FAM107B: variants seen among roughly 807,000 people sequenced by gnomAD.
FAM107B encodes the protein family with sequence similarity 107 member B.
FAM107B carries 21 observed loss-of-function variants against 31.5 expected under a neutral mutation model. That is an observed-to-expected ratio of 0.67 (90% confidence interval 0.47 to 0.96). The LOEUF is 0.96. FAM107B is among the 40% of genes least tolerant of loss of function. The probability of loss-of-function intolerance (pLI) is 0.00; values close to 1 mark genes in which losing one functional copy is unlikely to be tolerated. For synonymous variants in FAM107B, 157 were observed against 141.5 expected (o/e 1.11, Z -0.78); for missense variants, 452 against 377.1 (o/e 1.20, Z -1.64).
chr10:14,562,971 C>T (rs565480962), intron 2 of FAM107B, among the ~76,000 whole-genome samples: 20 of 152,338 alleles, frequency 1.3e-4, no homozygotes, highest in Non-Finnish European at 1.6e-4. Context: ...TATGTCTCTG[C>T]TACATGTGAA....
chr10:14,652,033 T>A (rs1028429096), intron 2 of FAM107B, among the ~76,000 whole-genome samples: 3 of 152,182 alleles, frequency 2.0e-5, no homozygotes, highest in Non-Finnish European at 2.9e-5. Flanking sequence ...ACAGAAGTTG[T>A]ACAGTCGGAG....
intron 2 of FAM107B, among the ~76,000 whole-genome samples, chr10:14,630,784 G>T (rs1320134573): frequency 6.6e-6 from 1 of 152,136 alleles, no homozygotes; most frequent in Non-Finnish European, 1.5e-5. Context: ...CCAGGAGGTT[G>T]AGGCTGAGGT....
intron 2 of FAM107B, among the ~76,000 whole-genome samples, chr10:14,543,211 A>G (rs1341520119): frequency 6.6e-6 from 1 of 152,218 alleles, no homozygotes; most frequent in Admixed American, 6.5e-5. Flanking sequence ...TAAAAGGCAC[A>G]GTTTGGTGTT....
At chr10:14,723,488 A>T in intron 1 of FAM107B, 1 of 583,718 alleles carries the variant, frequency 1.7e-6, no homozygotes, top group Non-Finnish European at 3.2e-6. Context: ...TGTTTACAGG[A>T]AATGGTACCA....
At chr10:14,629,019 T>C (rs2131413890) in intron 2 of FAM107B, among the ~76,000 whole-genome samples, 1 of 151,170 alleles carries the variant, frequency 6.6e-6, no homozygotes, top group South Asian at 2.1e-4. Context: ...GTTATATATA[T>C]ATTAGCTTTA....
chr10:14,578,605 GA>G (rs1851536652), intron 2 of FAM107B, among the ~76,000 whole-genome samples: 1 of 152,120 alleles, frequency 6.6e-6, no homozygotes, highest in Admixed American at 6.5e-5. Flanking sequence ...CTTCATTTGC[GA>G]CATATTTTCC....
intron 2 of FAM107B, among the ~76,000 whole-genome samples, chr10:14,583,085 TCA>T (rs1491209853): frequency 1.0e-5 from 1 of 99,278 alleles, no homozygotes; most frequent in African/African-American, 4.2e-5. Flanking sequence ...AGACTCTGTC[TCA>T]AAAAAAAAAA....
chr10:14,561,310 G>A (rs575579758), intron 2 of FAM107B, among the ~76,000 whole-genome samples: 37 of 152,332 alleles, frequency 2.4e-4, no homozygotes, highest in South Asian at 1.7e-3. Flanking sequence ...GTATCAGGCC[G>A]TGCAAAGTGC....
At chr10:14,773,399 C>T (rs1833349314) in intron 1 of FAM107B, among the ~76,000 whole-genome samples, 1 of 152,100 alleles carries the variant, frequency 6.6e-6, no homozygotes, top group Non-Finnish European at 1.5e-5. Context: ...TGATGGATCC[C>T]CAAAGACTTC....
chr10:14,647,125 C>G (rs534541332), intron 2 of FAM107B, among the ~76,000 whole-genome samples: 67 of 152,156 alleles, frequency 4.4e-4, no homozygotes, highest in African/African-American at 1.5e-3. Context: ...GGAGAACTTC[C>G]TAAGATGGGC....
intron 2 of FAM107B, among the ~76,000 whole-genome samples, chr10:14,650,249 C>G (rs943315327): frequency 6.6e-6 from 1 of 151,730 alleles, no homozygotes; most frequent in East Asian, 1.9e-4. Context: ...AAGCTCATTA[C>G]AGAAAATTTG....
intron 1 of FAM107B, among the ~76,000 whole-genome samples, chr10:14,747,844 C>T (rs556278797): frequency 6.6e-6 from 1 of 152,306 alleles, no homozygotes; most frequent in South Asian, 2.1e-4. Flanking sequence ...GTGCACTGTA[C>T]CCCAAAGAGT....
At chr10:14,689,477 T>C (rs1305720804) in intron 1 of FAM107B, among the ~76,000 whole-genome samples, 1 of 151,998 alleles carries the variant, frequency 6.6e-6, no homozygotes, top group Admixed American at 6.6e-5. Flanking sequence ...GAGTAGACTT[T>C]ACAGCAATGC....
At chr10:14,769,993 A>G (rs1283235572) in intron 1 of FAM107B, among the ~76,000 whole-genome samples, 1 of 152,158 alleles carries the variant, frequency 6.6e-6, no homozygotes, top group African/African-American at 2.4e-5. Flanking sequence ...AAGCCCCTGT[A>G]TTCTAGTCTT....
chr10:14,682,392 G>A (rs1216299192), intron 1 of FAM107B, among the ~76,000 whole-genome samples: 1 of 152,174 alleles, frequency 6.6e-6, no homozygotes. Flanking sequence ...AGCTGGGCTT[G>A]GTGGCGCACG....
intron 2 of FAM107B, among the ~76,000 whole-genome samples, chr10:14,598,647 A>G (rs759576585): frequency 6.6e-6 from 1 of 152,234 alleles, no homozygotes; most frequent in Non-Finnish European, 1.5e-5. Flanking sequence ...ACCTGCAGTC[A>G]ACAATAAAAC....
At chr10:14,610,068 G>C (rs995134735) in intron 2 of FAM107B, among the ~76,000 whole-genome samples, 3 of 152,242 alleles carry the variant, frequency 2.0e-5, no homozygotes, top group African/African-American at 7.2e-5. Context: ...TCTAGGCCGG[G>C]CACGGTGGCT....
chr10:14,725,375 A>C (rs923207019), intron 1 of FAM107B, among the ~76,000 whole-genome samples: 42 of 152,220 alleles, frequency 2.8e-4, no homozygotes, highest in Middle Eastern at 3.2e-3. Flanking sequence ...GAATATCTTT[A>C]ACTCTGGATT....
chr10:14,674,967 C>G (rs1373708127), intron 1 of FAM107B, among the ~76,000 whole-genome samples: 3 of 152,146 alleles, frequency 2.0e-5, no homozygotes, highest in Non-Finnish European at 4.4e-5. Flanking sequence ...GCTGGGATTA[C>G]AGGCATGAGC....
Sources: allele counts gnomAD v4.1 joint callset (sites outside exome capture counted in the v4.1 genomes callset), GRCh38; gene constraint gnomAD v4.1.1; transcripts MANE v1.5; gene names NCBI Gene and HGNC (gene_info 2026-07-23, HGNC 2026-07-21).